RUNX1T1: variants seen among roughly 807,000 people sequenced by gnomAD.
RUNX1T1 encodes protein CBFA2T1.
Under a neutral mutation model 62.8 loss-of-function variants are expected in RUNX1T1, and 4 were observed. That is an observed-to-expected ratio of 0.06 (90% CI 0.03 to 0.15). RUNX1T1 has a LOEUF of 0.15. Among genes scored for constraint, RUNX1T1 ranks in the 10% least tolerant of loss-of-function variants. RUNX1T1 has a pLI of 1.00. For synonymous variants in RUNX1T1, 291 were observed against 286.0 expected (o/e 1.02, Z -0.18); for missense variants, 508 against 754.3 (o/e 0.67, Z 3.82).
At chr8:91,974,853 G>A (rs539592929) in intron 9 of RUNX1T1, among the ~76,000 whole-genome samples, 3 of 152,154 alleles carry the variant, frequency 2.0e-5, no homozygotes, top group African/African-American at 4.8e-5. Context: ...TACAAAAACA[G>A]GTATTTCTTG....
At chr8:92,028,593 C>T (rs959919447) in intron 1 of RUNX1T1, among the ~76,000 whole-genome samples, 7 of 152,184 alleles carry the variant, frequency 4.6e-5, no homozygotes, top group African/African-American at 1.7e-4. Flanking sequence ...GTTAATCTGA[C>T]TTACACCCTG....
chr8:92,015,164 G>A (rs900312327), intron 2 of RUNX1T1, among the ~76,000 whole-genome samples: 16 of 152,134 alleles, frequency 1.1e-4, no homozygotes, highest in South Asian at 2.1e-4. Context: ...GCTTTTTGTC[G>A]CAGGCTTACA....
chr8:92,063,326 G>C (rs1274798130), upstream of RUNX1T1, among the ~76,000 whole-genome samples: 1 of 152,006 alleles, frequency 6.6e-6, no homozygotes, highest in Non-Finnish European at 1.5e-5. Context: ...TAACCCCCTG[G>C]GATCCCCGGG....
downstream of RUNX1T1, chr8:91,957,215 C>T (rs1809528419): frequency 4.6e-6 from 1 of 219,094 alleles, no homozygotes; most frequent in Non-Finnish European, 9.2e-6. Flanking sequence ...AGGAAAGTAA[C>T]AAAAGTTTTC....
intron 1 of RUNX1T1, among the ~76,000 whole-genome samples, chr8:92,026,635 C>G (rs1433378344): frequency 1.3e-5 from 2 of 151,708 alleles, no homozygotes; most frequent in African/African-American, 4.9e-5. Context: ...TCCTGGCTAA[C>G]ACAGTGAAAC....
At chr8:92,012,793 AATT>A (rs1822226028) in intron 3 of RUNX1T1, among the ~76,000 whole-genome samples, 2 of 152,022 alleles carry the variant, frequency 1.3e-5, no homozygotes, top group Admixed American at 1.3e-4. Context: ...TAGTCCTGAG[AATT>A]ATGTAAAATG....
intron 2 of RUNX1T1, among the ~76,000 whole-genome samples, chr8:92,074,398 A>G (rs1834122201): frequency 6.6e-6 from 1 of 152,202 alleles, no homozygotes; most frequent in Non-Finnish European, 1.5e-5. Flanking sequence ...TGTATCTGCA[A>G]TATGTTCAAG....
At chr8:92,103,021 G>A (rs1808443313), upstream of RUNX1T1, 1 of 832,054 alleles carries the variant, frequency 1.2e-6, no homozygotes, top group Non-Finnish European at 1.6e-6. Context: ...CGCTCGCCAC[G>A]AGACCGCGGA....
chr8:92,034,686 G>GTATATACA (rs1826920779), intron 1 of RUNX1T1, among the ~76,000 whole-genome samples: 3 of 103,198 alleles, frequency 2.9e-5, no homozygotes, highest in Non-Finnish European at 4.1e-5. Flanking sequence ...GTGTGTGTGT[G>GTATATACA]TGTGTATACA....
At chr8:92,020,828 T>A (rs1823943285) in intron 1 of RUNX1T1, among the ~76,000 whole-genome samples, 1 of 151,010 alleles carries the variant, frequency 6.6e-6, no homozygotes, top group East Asian at 1.9e-4. Context: ...CCATTTCCTT[T>A]TTTTTTTTTT....
exon 5 of RUNX1T1, chr8:92,005,186 T>C (rs1820511884): frequency 1.2e-6 from 2 of 1,613,788 alleles, no homozygotes; most frequent in African/African-American, 2.7e-5. Context: ...ACAGGTGAGG[T>C]GGTGCTGGCA....
chr8:92,067,587 A>C (rs1262708999), upstream of RUNX1T1, among the ~76,000 whole-genome samples: 1 of 152,266 alleles, frequency 6.6e-6, no homozygotes, highest in African/African-American at 2.4e-5. Context: ...CAATGTCTAC[A>C]GAATAAAATA....
At chr8:91,962,623 C>G (rs1333844602) in intron 10 of RUNX1T1, among the ~76,000 whole-genome samples, 1 of 152,196 alleles carries the variant, frequency 6.6e-6, no homozygotes, top group African/African-American at 2.4e-5. Context: ...GCCTGGCCCA[C>G]CCTTCAAAGC....
Position 92,020,209 on chromosome 8 carries a change from G to A in RUNX1T1, c.8-2846C>T, listed in dbSNP as rs528641901. On this transcript the variant is annotated intron_variant, in intron 1 of 10. Coordinates refer to ENST00000396218, the Ensembl canonical transcript of RUNX1T1. ...CACATACACATGAACACTCTCTGGA[G>A]CACAGAGATTTAAGATAAATGCGGA... 2.2e-4 allele frequency among the ~76,000 whole-genome samples: 33 copies of A among 152,284 alleles called. No individual in the cohort carries two copies. In the South Asian group the frequency reaches 6.8e-3, roughly 32 times the overall value.
chr8:92,080,426 A>T (rs1835068273), intron 1 of RUNX1T1, among the ~76,000 whole-genome samples: 1 of 152,184 alleles, frequency 6.6e-6, no homozygotes. Flanking sequence ...CATGGAAATC[A>T]CCCACGACAT....
At chr8:92,090,895 A>G (rs1362353379) in intron 1 of RUNX1T1, among the ~76,000 whole-genome samples, 2 of 152,192 alleles carry the variant, frequency 1.3e-5, no homozygotes, top group Non-Finnish European at 2.9e-5. Context: ...TGGTTAATCA[A>G]TTACTTAAAA....
chr8:91,988,907 A>C (rs1167025684), intron 6 of RUNX1T1, among the ~76,000 whole-genome samples: 10 of 152,186 alleles, frequency 6.6e-5, no homozygotes, highest in African/African-American at 2.4e-4. Context: ...CAAATCTTTA[A>C]AAATAAAAAA....
At chr8:91,970,731 G>T (rs781778214) in exon 10 of RUNX1T1, 1 of 1,613,574 alleles carries the variant, frequency 6.2e-7, no homozygotes, top group Non-Finnish European at 8.5e-7. Flanking sequence ...CTCGGCGACC[G>T]TGCGCTCCAT....
chr8:91,990,637 C>T (rs74928894), intron 6 of RUNX1T1, among the ~76,000 whole-genome samples: 1,692 of 148,390 alleles, frequency 0.011, 22 homozygotes, highest in African/African-American at 0.04. Context: ...CTTCAAAATG[C>T]TTTACTACTT....
Sources: gnomAD v4.1 joint callset for allele counts (sites outside exome capture counted in the v4.1 genomes callset) on GRCh38, gnomAD v4.1.1 for gene constraint, MANE v1.5 for transcripts, NCBI Gene and HGNC (gene_info 2026-07-23, HGNC 2026-07-21) for gene names.